Variants in OPHN1 observed in about 807,000 individuals in gnomAD.
The protein encoded by OPHN1 is oligophrenin-1.
Under a neutral mutation model 60.7 loss-of-function variants are expected in OPHN1, and 11 were observed. The observed-to-expected ratio is 0.18, with a 90% CI of 0.11 to 0.30. The LOEUF is 0.30. OPHN1 is among the 10% of genes least tolerant of loss of function. The pLI, the probability that OPHN1 is intolerant of heterozygous loss-of-function variation, is 1.00. For missense variants in OPHN1, 449 were observed against 611.0 expected, an observed-to-expected ratio of 0.73 and a Z score of 2.80; for synonymous variants, 226 against 222.6, an observed-to-expected ratio of 1.02 and a Z score of -0.14.
intron 3 of OPHN1, among the ~76,000 whole-genome samples, chrX:68,294,208 C>T (rs900624296): frequency 1.8e-5 from 2 of 110,479 alleles, no homozygotes; most frequent in African/African-American, 3.3e-5. Flanking sequence ...CAGTGGTTCA[C>T]GCCTGTAATC....
intron 6 of OPHN1, among the ~76,000 whole-genome samples, chrX:68,227,273 G>A (rs1033110933): frequency 3.6e-5 from 4 of 110,935 alleles, no homozygotes; most frequent in Non-Finnish European, 5.7e-5. Flanking sequence ...CTTAGAGACC[G>A]AGAAAGAGAC....
chrX:68,359,842 C>T (rs570051996), intron 2 of OPHN1, among the ~76,000 whole-genome samples: 5 of 78,973 alleles, frequency 6.3e-5, no homozygotes, highest in South Asian at 1.4e-3. Context: ...GGCGACAGAG[C>T]GAGACTCCGT....
rs1262640434 is a variant in OPHN1, at chrX:68,125,954, T to TATATATAC, written c.1277-6623_1277-6622insGTATATAT. 6.0e-3 allele frequency among the ~76,000 whole-genome samples: 329 copies of TATATATAC among 55,168 alleles called. 15 individuals carry two copies. The highest frequency in any genetic ancestry group is 0.018 in the East Asian group (25 of 1,386). The allele number at this position is 55,168 out of a possible 115,157, so 47.9% of individuals were successfully genotyped here. Reference sequence around the variant, plus strand: ...CAATATATATATATATATATATATATATACATACACACACACACACACACA... The same window carrying TATATATAC: ...CAATATATATATATATATATATATATATATATACATACATACACACACACACACACACA... On this transcript the variant is annotated intron_variant, in intron 15 of 24. Coordinates refer to ENST00000355520, the MANE Select transcript of OPHN1 (RefSeq NM_002547.3).
chrX:68,062,298 G>A (rs2076896161), intron 21 of OPHN1, among the ~76,000 whole-genome samples: 1 of 112,112 alleles, frequency 8.9e-6, no homozygotes, highest in Admixed American at 9.5e-5. Context: ...AGGCTGTGCA[G>A]GCCATGAAGT....
chrX:68,400,957 A>G (rs1229690073), intron 2 of OPHN1, among the ~76,000 whole-genome samples: 4 of 111,292 alleles, frequency 3.6e-5, no homozygotes, highest in African/African-American at 9.8e-5. Context: ...ACATGGCCAG[A>G]GCAGGGGCAA....
intron 6 of OPHN1, among the ~76,000 whole-genome samples, chrX:68,234,091 C>CAAAAAAAAA (rs33932284): frequency 2.3e-5 from 1 of 44,200 alleles, no homozygotes; most frequent in African/African-American, 9.1e-5. Context: ...AACCCCTCAC[C>CAAAAAAAAA]AAAAAAAAAA....
Position 68,071,408 on chromosome X carries a change from T to C in OPHN1, c.1834+1744A>G, listed in dbSNP as rs2076934094. On this transcript the variant is annotated intron_variant, in intron 20 of 24. Coordinates refer to ENST00000355520, the MANE Select transcript of OPHN1 (RefSeq NM_002547.3). The stretch of plus-strand genomic sequence containing the variant: ...TCTTCTTCCACATGAAAGTGGAGGT[T>C]CTCCAGCAGGATGACAGACCCAGCA... 1.4e-5 allele frequency: 11 copies of C among 768,327 alleles called. No individual in the cohort carries two copies. The Admixed American group carries it at 2.4e-4, about 17-fold the overall frequency. 63.3% of individuals were successfully genotyped at this position (768,327 alleles called of 1,213,427 possible).
At chrX:68,398,961 G>C (rs1000221277) in intron 2 of OPHN1, among the ~76,000 whole-genome samples, 1 of 7,397 alleles carries the variant, frequency 1.4e-4, no homozygotes, top group African/African-American at 1.9e-4. Context: ...AACAAAAAAA[G>C]TGTGTGTGTG....
At chrX:68,285,730 T>A (rs1323743884) in intron 3 of OPHN1, among the ~76,000 whole-genome samples, 1 of 110,990 alleles carries the variant, frequency 9.0e-6, no homozygotes, top group African/African-American at 3.3e-5. Context: ...TCCCTCAGAT[T>A]GAATGATCTC....
intron 2 of OPHN1, among the ~76,000 whole-genome samples, chrX:68,305,526 C>T (rs1282510645): frequency 8.9e-6 from 1 of 112,486 alleles, no homozygotes; most frequent in African/African-American, 3.2e-5. Flanking sequence ...AGTTCCTAAT[C>T]TCTCACCTCT....
chrX:68,292,125 T>C (rs775142577), intron 3 of OPHN1, among the ~76,000 whole-genome samples: 1 of 111,765 alleles, frequency 8.9e-6, no homozygotes, highest in East Asian at 2.8e-4. Flanking sequence ...TTTGGGTGGC[T>C]GGGGGTTGTT....
intron 6 of OPHN1, among the ~76,000 whole-genome samples, chrX:68,223,025 T>C (rs1006760442): frequency 9.0e-6 from 1 of 111,511 alleles, no homozygotes; most frequent in South Asian, 3.8e-4. Context: ...AAGGCCATTA[T>C]TAAAAAGTCA....
At chrX:68,264,861 C>T (rs1358687554) in intron 5 of OPHN1, among the ~76,000 whole-genome samples, 8 of 112,583 alleles carry the variant, frequency 7.1e-5, no homozygotes, top group African/African-American at 1.6e-4. Flanking sequence ...TCTTAGCAAA[C>T]GACACACCAG....
chrX:68,323,154 C>T (rs1161408466), intron 2 of OPHN1, among the ~76,000 whole-genome samples: 1 of 111,974 alleles, frequency 8.9e-6, no homozygotes, highest in Non-Finnish European at 1.9e-5. Flanking sequence ...TAGAACGATA[C>T]ATATACATTG....
At position 68,120,478 on chromosome X, in the gene OPHN1, T is replaced by C. The variant is rs187424992; in HGVS notation, c.1277-1146A>G. On this transcript the variant is annotated intron_variant, in intron 15 of 24. Transcript: ENST00000355520. Reference sequence around the variant, plus strand: ...TATACTAAAAACTATAAAACACTGATAAAACAAACTGAAGACACAAATAAA... The same window carrying C: ...TATACTAAAAACTATAAAACACTGACAAAACAAACTGAAGACACAAATAAA... Among the ~76,000 whole-genome samples, 390 of 111,819 alleles carry C rather than the reference T, an allele frequency of 3.5e-3. 3 individuals are homozygous for C. Among genetic ancestry groups the C allele is most frequent in the African/African-American group, 0.012 (378 of 30,836 alleles).
At chrX:68,246,030 C>T (rs2077804016) in intron 5 of OPHN1, among the ~76,000 whole-genome samples, 1 of 111,216 alleles carries the variant, frequency 9.0e-6, no homozygotes, top group Middle Eastern at 4.2e-3. Context: ...GTCTCAAACT[C>T]CTGCCCTCAG....
chrX:68,432,643 C>G (rs944187243), intron 2 of OPHN1, among the ~76,000 whole-genome samples: 7 of 111,579 alleles, frequency 6.3e-5, no homozygotes, highest in African/African-American at 2.3e-4. Flanking sequence ...CTACGGATCA[C>G]GTCTTATAAG....
At chrX:68,409,571 A>G (rs757534531) in intron 2 of OPHN1, among the ~76,000 whole-genome samples, 21 of 112,182 alleles carry the variant, frequency 1.9e-4, no homozygotes, top group African/African-American at 6.1e-4. Flanking sequence ...AGAGGACAAG[A>G]AACTCACCAA....
At chrX:68,247,596 T>C (rs944221162) in intron 5 of OPHN1, among the ~76,000 whole-genome samples, 1 of 111,141 alleles carries the variant, frequency 9.0e-6, no homozygotes, top group East Asian at 2.8e-4. Flanking sequence ...GTGCTAGCCA[T>C]GTCCTTCCCA....
Sources: allele counts gnomAD v4.1 joint callset (sites outside exome capture counted in the v4.1 genomes callset), GRCh38; gene constraint gnomAD v4.1.1; transcripts MANE v1.5; gene names NCBI Gene and HGNC (gene_info 2026-07-23, HGNC 2026-07-21).